PCP4: variants seen among roughly 807,000 people sequenced by gnomAD.
The protein encoded by PCP4 is calmodulin regulator protein PCP4.
A neutral mutation model predicts 10.0 loss-of-function variants in PCP4; 8 were observed. The ratio of observed to expected loss-of-function variants is 0.80; its 90% confidence interval spans 0.47 to 1.45. The LOEUF is 1.45. PCP4 is among the 40% of genes most tolerant of loss of function. PCP4 has a pLI of 0.00. For missense variants in PCP4, 54 were observed against 74.4 expected (o/e 0.73, Z 1.01); for synonymous variants, 21 against 23.0 (o/e 0.91, Z 0.24).
intron 2 of PCP4, among the ~76,000 whole-genome samples, chr21:39,919,906 G>A (rs1422717692): frequency 1.3e-5 from 2 of 150,170 alleles, no homozygotes; most frequent in Non-Finnish European, 3.0e-5. Context: ...GTTTGTGTAG[G>A]AGTGTGTCTG....
intron 2 of PCP4, among the ~76,000 whole-genome samples, chr21:39,922,904 G>T (rs908125633): frequency 3.6e-4 from 55 of 152,204 alleles, no homozygotes; most frequent in African/African-American, 1.0e-3. Context: ...AGGCACACAG[G>T]ACGTTGAATC....
intron 2 of PCP4, among the ~76,000 whole-genome samples, chr21:39,899,896 C>T (rs897618461): frequency 5.9e-5 from 9 of 152,106 alleles, no homozygotes; most frequent in Admixed American, 3.3e-4. Context: ...GAGCATAGGG[C>T]GCTGTGAGCC....
At chr21:39,909,872 C>T (rs1312342462) in intron 2 of PCP4, among the ~76,000 whole-genome samples, 1 of 151,392 alleles carries the variant, frequency 6.6e-6, no homozygotes, top group Non-Finnish European at 1.5e-5. Context: ...CTTGGCTCAC[C>T]GCAACCTCTG....
At chr21:39,881,298 G>A (rs1001939861) in intron 1 of PCP4, among the ~76,000 whole-genome samples, 2 of 152,140 alleles carry the variant, frequency 1.3e-5, no homozygotes, top group African/African-American at 4.8e-5. Flanking sequence ...GAAGCTTGGG[G>A]CACTCACTGT....
intron 1 of PCP4, among the ~76,000 whole-genome samples, chr21:39,891,289 A>G (rs965729888): frequency 1.3e-5 from 2 of 152,332 alleles, no homozygotes; most frequent in Non-Finnish European, 2.9e-5. Flanking sequence ...TGGGCTCTGC[A>G]GACTTCAGGC....
chr21:39,892,786 A>G (rs959040725), intron 1 of PCP4, among the ~76,000 whole-genome samples: 30 of 152,262 alleles, frequency 2.0e-4, no homozygotes, highest in African/African-American at 7.2e-4. Context: ...TGTGCTATCA[A>G]ATAGCAGGTC....
chr21:39,898,352 A>G (rs749212270), intron 1 of PCP4, 124 bp from the exon 2 acceptor site: 1 of 818,808 alleles, frequency 1.2e-6, no homozygotes, highest in Non-Finnish European at 2.1e-6. Flanking sequence ...TGCTTTAGCC[A>G]TCTGAGCTAA....
chr21:39,871,556 A>G (rs1435351658), intron 1 of PCP4, among the ~76,000 whole-genome samples: 1 of 152,232 alleles, frequency 6.6e-6, no homozygotes, highest in East Asian at 1.9e-4. Flanking sequence ...GGACTCTGAC[A>G]GATCAAGCAA....
chr21:39,910,034 G>A (rs528726163), intron 2 of PCP4, among the ~76,000 whole-genome samples: 161 of 152,128 alleles, frequency 1.1e-3, no homozygotes, highest in Non-Finnish European at 1.7e-3. Context: ...GATCTCAGGC[G>A]ATCTGCCCGC....
intron 2 of PCP4, 119 bp downstream of exon 2, chr21:39,898,646 G>T (rs572264222): frequency 2.7e-6 from 2 of 728,686 alleles, no homozygotes; most frequent in Admixed American, 2.5e-5. Flanking sequence ...CTGCGCTTCA[G>T]CTTACAGAGG....
At chr21:39,923,846 T>C (rs1005079840) in intron 2 of PCP4, among the ~76,000 whole-genome samples, 10 of 152,254 alleles carry the variant, frequency 6.6e-5, no homozygotes, top group African/African-American at 1.9e-4. Flanking sequence ...TCTAGGCCAC[T>C]AGGAGGGCGT....
intron 2 of PCP4, among the ~76,000 whole-genome samples, chr21:39,918,998 AT>A (rs1354646712): frequency 4.6e-5 from 7 of 152,126 alleles, no homozygotes; most frequent in African/African-American, 7.2e-5. Context: ...TATTGTTATA[AT>A]TTTTTTTCCT....
intron 1 of PCP4, among the ~76,000 whole-genome samples, chr21:39,869,204 C>T (rs1482033493): frequency 6.6e-6 from 1 of 152,222 alleles, no homozygotes; most frequent in Non-Finnish European, 1.5e-5. Flanking sequence ...GATTCTGGCT[C>T]AGTCATGCCG....
intron 1 of PCP4, among the ~76,000 whole-genome samples, chr21:39,883,269 G>A (rs1046836755): frequency 1.3e-5 from 2 of 152,178 alleles, no homozygotes; most frequent in Non-Finnish European, 2.9e-5. Context: ...GCTGTAGCTG[G>A]CATAAATGGA....
At chr21:39,874,857 T>C (rs2087337607) in intron 1 of PCP4, among the ~76,000 whole-genome samples, 1 of 152,166 alleles carries the variant, frequency 6.6e-6, no homozygotes, top group South Asian at 2.1e-4. Flanking sequence ...ACACATGCTA[T>C]GCTTTTTCCA....
At chr21:39,893,406 A>G (rs56298505) in intron 1 of PCP4, among the ~76,000 whole-genome samples, 24,464 of 152,230 alleles carry the variant, frequency 0.16, 2,143 homozygotes, top group African/African-American at 0.2. Flanking sequence ...TGTTATTTAG[A>G]TTCCCTTTAA....
intron 1 of PCP4, among the ~76,000 whole-genome samples, chr21:39,896,748 A>G (rs995553828): frequency 1.8e-4 from 28 of 152,302 alleles, no homozygotes; most frequent in Non-Finnish European, 2.6e-4. Context: ...GTTTTCCGAG[A>G]TGATACATTT....
At chr21:39,911,112 C>A (rs73904606) in intron 2 of PCP4, among the ~76,000 whole-genome samples, 1 of 151,956 alleles carries the variant, frequency 6.6e-6, no homozygotes, top group African/African-American at 2.4e-5. Context: ...GGATATCGCA[C>A]ATGAGTCCAC....
At chr21:39,911,371 T>C (rs913023442) in intron 2 of PCP4, among the ~76,000 whole-genome samples, 3 of 152,222 alleles carry the variant, frequency 2.0e-5, no homozygotes, top group Admixed American at 2.0e-4. Flanking sequence ...GATCTTTCTG[T>C]AGCATATGTC....
Sources: gnomAD v4.1 joint callset for allele counts (sites outside exome capture counted in the v4.1 genomes callset) on GRCh38, gnomAD v4.1.1 for gene constraint, MANE v1.5 for transcripts, NCBI Gene and HGNC (gene_info 2026-07-23, HGNC 2026-07-21) for gene names.